Variants in GANC observed in about 807,000 individuals in gnomAD.
GANC encodes the protein neutral alpha-glucosidase C.
GANC carries 117 observed loss-of-function variants against 124.2 expected under a neutral mutation model. That is an observed-to-expected ratio of 0.94 (90% CI 0.81 to 1.10). The LOEUF is 1.10. Among genes scored for constraint, GANC ranks in the 50% least tolerant of loss-of-function variants. GANC has a pLI of 0.00. For missense variants in GANC, 1,140 were observed against 1,095.0 expected, an observed-to-expected ratio of 1.04 and a Z score of -0.58; for synonymous variants, 377 against 376.8, an observed-to-expected ratio of 1.00 and a Z score of -0.01.
At chr15:42,301,255 G>A (rs2051943095) in intron 6 of GANC, among the ~76,000 whole-genome samples, 1 of 152,132 alleles carries the variant, frequency 6.6e-6, no homozygotes, top group Admixed American at 6.5e-5. Context: ...GGAAGCACAA[G>A]GGATCAGGGA....
intron 10 of GANC, among the ~76,000 whole-genome samples, chr15:42,316,324 G>A (rs575131071): frequency 4.7e-4 from 71 of 152,210 alleles, no homozygotes; most frequent in African/African-American, 1.6e-3. Context: ...ACCAAGACGC[G>A]GAGACTGGTA....
rs201327611 is a variant in GANC, at chr15:42,340,671, A to C, written c.2088-19A>C. ...AGATGTCTATAATGTTAAAACAATA[A>C]TTTTTTTTCTTTCCCCAGGCCTCTG... On this transcript the variant is annotated intron_variant, in intron 17 of 23. Coordinates refer to ENST00000318010, the MANE Select transcript of GANC (RefSeq NM_198141.3). The C allele has an allele frequency of 6.4e-7, 1 of 1,567,144 alleles. No individual in the cohort carries two copies. Among genetic ancestry groups the C allele is most frequent in the African/African-American group, 1.4e-5 (1 of 72,264 alleles).
At chr15:42,338,726 C>T (rs992480320) in intron 16 of GANC, among the ~76,000 whole-genome samples, 2 of 152,136 alleles carry the variant, frequency 1.3e-5, no homozygotes, top group African/African-American at 4.8e-5. Flanking sequence ...AGAAAGGGAG[C>T]CAGAGCCATT....
chr15:42,349,619 T>C (rs2052404418), intron 22 of GANC, 124 bp downstream of exon 22: 17 of 655,418 alleles, frequency 2.6e-5, no homozygotes, highest in Non-Finnish European at 3.0e-5. Flanking sequence ...GTGAAGGCCG[T>C]TTCCGGAATA....
rs141197501 is a variant in GANC, at chr15:42,352,685, G to A, written c.*546G>A. The A allele has an allele frequency of 6.4e-5, 63 of 985,956 alleles. 1 individual carries two copies. The African/African-American group carries it at 1.1e-3, about 17-fold the overall frequency. The allele number at this position is 985,956 out of a possible 1,614,324, so 61.1% of individuals were successfully genotyped here. ...TGGGAGTTATTCTCCCCTAGAGATCGACTTGGCAGCACGAAGGATTCTTTT... is the reference window on the plus strand; with the variant it reads ...TGGGAGTTATTCTCCCCTAGAGATCAACTTGGCAGCACGAAGGATTCTTTT... On this transcript the variant is annotated 3_prime_UTR_variant, in exon 24 of 24. Transcript: ENST00000318010.
intron 10 of GANC, among the ~76,000 whole-genome samples, chr15:42,318,795 C>T (rs2052131355): frequency 6.6e-6 from 1 of 152,120 alleles, no homozygotes; most frequent in Admixed American, 6.5e-5. Context: ...CCCTAGGTTA[C>T]CCAGGCTGGT....
intron 8 of GANC, among the ~76,000 whole-genome samples, chr15:42,309,940 C>T (rs1311548705): frequency 6.6e-6 from 1 of 152,022 alleles, no homozygotes; most frequent in Non-Finnish European, 1.5e-5. Flanking sequence ...GAACTGCTGA[C>T]CCTGGAAGGT....
At chr15:42,327,323 C>T (rs1433523687) in intron 12 of GANC, 40 bp from the exon 13 acceptor site, 3 of 1,461,322 alleles carry the variant, frequency 2.1e-6, no homozygotes. Context: ...CTGTGAGGAC[C>T]ACTGTTCTTG....
Position 42,352,516 on chromosome 15 carries a change from T to C in GANC, c.*377T>C, listed in dbSNP as rs2141091182. ...AGGGCTTGCCTCAGGCCATGCAGCA[T>C]TGGCGCTCTGGCTGCAGCAGCTGAG... On this transcript the variant is annotated 3_prime_UTR_variant, in exon 24 of 24. Coordinates refer to ENST00000318010, the MANE Select transcript of GANC (RefSeq NM_198141.3). 3.8e-6 allele frequency: 4 copies of C among 1,040,186 alleles called. No homozygotes were observed. Among genetic ancestry groups the C allele is most frequent in the Non-Finnish European group, 4.6e-6 (4 of 861,948 alleles). 64.4% of individuals were successfully genotyped at this position (1,040,186 alleles called of 1,614,324 possible).
Position 42,273,522 on chromosome 15 carries a change from T to A in GANC, c.-960T>A. 6.8e-7 allele frequency: 1 copy of A among 1,478,496 alleles called. No individual in the cohort carries two copies. The highest frequency in any genetic ancestry group is 9.0e-7 in the Non-Finnish European group (1 of 1,111,136). The allele number at this position is 1,478,496 out of a possible 1,614,324, so 91.6% of individuals were successfully genotyped here. On this transcript the variant is annotated 5_prime_UTR_variant, in exon 1 of 24. Transcript: ENST00000318010. Reference sequence around the variant, plus strand: ...TGGAAACGTCGCGGAGCTTGTTTGCTGTGCGGCGTAGCGGCCCCTCTCTCA... The same window carrying A: ...TGGAAACGTCGCGGAGCTTGTTTGCAGTGCGGCGTAGCGGCCCCTCTCTCA...
chr15:42,332,215 G>A (rs2052251862), intron 15 of GANC, among the ~76,000 whole-genome samples: 1 of 151,994 alleles, frequency 6.6e-6, no homozygotes, highest in Admixed American at 6.6e-5. Flanking sequence ...GGGTAGATAG[G>A]CAGACAGTTA....
chr15:42,277,300 G>C (rs1027460714), intron 2 of GANC, among the ~76,000 whole-genome samples: 1 of 152,150 alleles, frequency 6.6e-6, no homozygotes, highest in East Asian at 1.9e-4. Flanking sequence ...GGAGGCCAAG[G>C]CAGGCGGATC....
rs745642975 is a variant in GANC at position 42,310,346 on chromosome 15, G to A, written c.786G>A (p.Met262Ile). ...DVYGYQIYDK[M>I]GIYGSVPYLL... is the part of the protein sequence containing the mutation. ...ATGGATACCAAATATATGATAAAAT[G>A]GGCATTTATGGTTCAGTACCTTATC... The change falls in exon 9 of 24, where the codon ATG (methionine) becomes ATA (isoleucine). Residue 262 changes from methionine (M) to isoleucine (I), a missense_variant. Transcript: ENST00000318010. 63 of 1,613,126 alleles carry A rather than the reference G, an allele frequency of 3.9e-5. No homozygotes were observed. Among genetic ancestry groups the A allele is most frequent in the Non-Finnish European group, 4.8e-5 (57 of 1,179,410 alleles).
intron 10 of GANC, among the ~76,000 whole-genome samples, chr15:42,315,009 C>T (rs1038298454): frequency 2.6e-5 from 4 of 152,154 alleles, no homozygotes; most frequent in Non-Finnish European, 5.9e-5. Flanking sequence ...CTTCAACCTC[C>T]AACTATTAGG....
Position 42,274,172 on chromosome 15 carries a change from C to G in GANC, c.-310C>G. The G allele has an allele frequency of 2.6e-6, 1 of 385,576 alleles. No homozygotes were observed. Among genetic ancestry groups the G allele is most frequent in the South Asian group, 2.5e-5 (1 of 40,394 alleles). The allele number at this position is 385,576 out of a possible 1,614,324, so 23.9% of individuals were successfully genotyped here. On this transcript the variant is annotated 5_prime_UTR_variant, in exon 1 of 24. Transcript: ENST00000318010. ...CTCTTGATTTTTACCCTCTAGGACT[C>G]ATTGCGTACACGCCCTCACCGCCGC...
At position 42,334,827 on chromosome 15, in the gene GANC, C is replaced by A. The variant is rs184664919; in HGVS notation, c.1742-3562C>A. Among the ~76,000 whole-genome samples, 501 of 151,354 alleles carry A rather than the reference C, an allele frequency of 3.3e-3. 3 individuals carry two copies. Among genetic ancestry groups the A allele is most frequent in the Admixed American group, 7.2e-3 (110 of 15,202 alleles). On this transcript the variant is annotated intron_variant, in intron 15 of 23. Transcript: ENST00000318010. ...AATAAAGAAGAAAAGAGAGAAAATCCAAATAAACACAATTAGGAATTACAA... is the reference window on the plus strand; with the variant it reads ...AATAAAGAAGAAAAGAGAGAAAATCAAAATAAACACAATTAGGAATTACAA...
intron 11 of GANC, among the ~76,000 whole-genome samples, chr15:42,323,605 C>G (rs1414231386): frequency 6.6e-6 from 1 of 152,080 alleles, no homozygotes; most frequent in Non-Finnish European, 1.5e-5. Context: ...TGGGTTCATG[C>G]AATTCTCCTG....
chr15:42,336,129 T>C (rs145965788), intron 15 of GANC, among the ~76,000 whole-genome samples: 3,279 of 138,510 alleles, frequency 0.024, 102 homozygotes, highest in African/African-American at 0.074. Context: ...TTAAAATTCA[T>C]ATTGAACCAA....
At chr15:42,274,541 C>T (rs1270923338) in intron 1 of GANC, 31 bp downstream of exon 1, 2 of 1,590,370 alleles carry the variant, frequency 1.3e-6, no homozygotes, top group Middle Eastern at 1.7e-4. Context: ...TAGCGAGTGA[C>T]CCCAGGGTCC....
Sources: allele counts gnomAD v4.1 joint callset (sites outside exome capture counted in the v4.1 genomes callset), GRCh38; gene constraint gnomAD v4.1.1; transcripts MANE v1.5; gene names NCBI Gene and HGNC (gene_info 2026-07-23, HGNC 2026-07-21).